DCT: variants seen among roughly 807,000 people sequenced by gnomAD.
DCT encodes the protein L-dopachrome tautomerase.
Under a neutral mutation model 53.0 loss-of-function variants are expected in DCT, and 47 were observed. The observed-to-expected ratio is 0.89, with a 90% confidence interval of 0.70 to 1.13. The LOEUF is 1.13. DCT is among the 50% of genes most tolerant of loss of function. The pLI, the probability that DCT is intolerant of heterozygous loss-of-function variation, is 0.00. For missense variants in DCT, 669 were observed against 637.4 expected, an observed-to-expected ratio of 1.05 and a Z score of -0.53; for synonymous variants, 244 against 237.0, an observed-to-expected ratio of 1.03 and a Z score of -0.27.
At chr13:94,544,944 A>C in the DCT span, among the ~76,000 whole-genome samples, 10 of 152,250 alleles carry the variant, frequency 6.6e-5, no homozygotes, top group South Asian at 2.1e-4. Context: ...GGTCTCAAAA[A>C]AACAACAACA....
intron 2 of DCT, chr13:94,468,042 T>G (rs1467946077): frequency 2.0e-5 from 3 of 152,274 alleles, no homozygotes; most frequent in African/African-American, 7.2e-5. Flanking sequence ...CAGCCCCCAA[T>G]TTTTAAGACT....
In DCT at chr13:94,460,007, C is replaced by T. The variant is rs1883672848; in HGVS notation, c.1179+84G>A. The T allele has an allele frequency of 1.2e-5, 16 of 1,359,646 alleles. No individual in the cohort carries two copies. The South Asian group carries it at 1.5e-4, about 12-fold the overall frequency. 84.2% of individuals were successfully genotyped at this position (1,359,646 alleles called of 1,614,324 possible). ...CACATTGTTCACACAGAGAATAAAACACCATCAAACATTAATTGTATGAAA... is the reference window on the plus strand; with the variant it reads ...CACATTGTTCACACAGAGAATAAAATACCATCAAACATTAATTGTATGAAA... On this transcript the variant is annotated intron_variant, in intron 6 of 7. Transcript: ENST00000377028.
chr13:94,499,681 G>C, the DCT span, among the ~76,000 whole-genome samples: 1 of 152,098 alleles, frequency 6.6e-6, no homozygotes. Context: ...TTTTACACTG[G>C]AATCAATAAG....
chr13:94,524,647 C>A, the DCT span, among the ~76,000 whole-genome samples: 3 of 152,134 alleles, frequency 2.0e-5, no homozygotes, highest in African/African-American at 7.2e-5. Context: ...TTGCTGTCTT[C>A]CCCCAGAATT....
At chr13:94,453,051 C>A (rs1883196891) in intron 6 of DCT, among the ~76,000 whole-genome samples, 1 of 151,968 alleles carries the variant, frequency 6.6e-6, no homozygotes, top group Non-Finnish European at 1.5e-5. Context: ...AACTATGCAA[C>A]AACCTAAAAA....
chr13:94,444,563 G>C (rs1329231743), intron 6 of DCT: 1 of 325,928 alleles, frequency 3.1e-6, no homozygotes, highest in Non-Finnish European at 6.1e-6. Context: ...TGATAGCCCT[G>C]ATTTTGTAAC....
chr13:94,468,980 T>A lies in DCT; in HGVS notation c.361A>T (p.Lys121Ter). 6.2e-7 allele frequency: 1 copy of A among 1,614,156 alleles called. No homozygotes were observed. The highest frequency in any genetic ancestry group is 8.5e-7 in the Non-Finnish European group (1 of 1,180,024). ...TTCTGCCGAATCACTGGTGGTTTCT[T>A]CCGCTCGCAGTTGGGACCGGTCCAG... ...FGWTGPNCER[K>*]KPPVIRQNIH... Residue 121 changes from lysine to a stop codon, truncating the protein, a stop_gained, in exon 2 of 8, where the codon AAG becomes TAG. Transcript: ENST00000377028. LOFTEE classifies it high-confidence loss of function.
At chr13:94,521,698 A>C in the DCT span, among the ~76,000 whole-genome samples, 5 of 152,154 alleles carry the variant, frequency 3.3e-5, no homozygotes, top group African/African-American at 1.2e-4. Context: ...AACAAACAAA[A>C]AAAAACCTTT....
At chr13:94,472,783 T>C (rs1884832965) in intron 1 of DCT, among the ~76,000 whole-genome samples, 1 of 151,382 alleles carries the variant, frequency 6.6e-6, no homozygotes, top group Admixed American at 6.6e-5. Flanking sequence ...GGTTTCACCA[T>C]GTTGGGCAGG....
intron 6 of DCT, among the ~76,000 whole-genome samples, chr13:94,458,908 A>T (rs1883592360): frequency 6.6e-6 from 1 of 151,982 alleles, no homozygotes; most frequent in Non-Finnish European, 1.5e-5. Context: ...ACAGGGTCTC[A>T]CCCTGTTGCA....
intron 2 of DCT, chr13:94,468,347 G>A (rs1461154252): frequency 5.1e-6 from 1 of 196,044 alleles, no homozygotes; most frequent in Non-Finnish European, 1.1e-5. Flanking sequence ...ATGTGCCTTA[G>A]CACATGTTCA....
intron 1 of DCT, among the ~76,000 whole-genome samples, chr13:94,476,899 C>T (rs9301960): frequency 6.6e-6 from 1 of 151,918 alleles, no homozygotes; most frequent in African/African-American, 2.4e-5. Flanking sequence ...TCGTCTAAAA[C>T]ACCATGATAA....
At chr13:94,452,510 T>C (rs1883161755) in intron 6 of DCT, 4 of 665,200 alleles carry the variant, frequency 6.0e-6, no homozygotes, top group East Asian at 2.9e-5. Context: ...TAGGAGGGAA[T>C]ATTGTCCAAA....
At chr13:94,455,468 C>T (rs1332856460) in intron 6 of DCT, among the ~76,000 whole-genome samples, 2 of 151,082 alleles carry the variant, frequency 1.3e-5, no homozygotes, top group East Asian at 1.9e-4. Flanking sequence ...TCCTTTACAC[C>T]ACAGGTTGAT....
At chr13:94,514,131 G>T in the DCT span, among the ~76,000 whole-genome samples, 14 of 152,086 alleles carry the variant, frequency 9.2e-5, no homozygotes, top group Non-Finnish European at 1.8e-4. Flanking sequence ...GAGATGGAAA[G>T]CAAAAGCCAT....
intron 3 of DCT, 109 bp from the exon 4 acceptor site, chr13:94,465,908 A>G (rs1313780013): frequency 1.6e-6 from 1 of 607,446 alleles, no homozygotes; most frequent in Non-Finnish European, 2.5e-6. Context: ...TACCAAGACA[A>G]AGACTACTGG....
chr13:94,526,648 G>A, the DCT span, among the ~76,000 whole-genome samples: 1,258 of 152,222 alleles, frequency 8.3e-3, 15 homozygotes, highest in African/African-American at 0.029. Context: ...ATAAATAGGG[G>A]TGATTCCAAG....
the DCT span, among the ~76,000 whole-genome samples, chr13:94,499,448 G>A: frequency 2.3e-5 from 3 of 128,340 alleles, no homozygotes; most frequent in South Asian, 8.4e-4. Context: ...AGGACCAAAG[G>A]AGTGTGCATG....
At chr13:94,488,723 T>TATACACACAC in the DCT span, among the ~76,000 whole-genome samples, 1 of 139,132 alleles carries the variant, frequency 7.2e-6, no homozygotes, top group Admixed American at 7.5e-5. Context: ...GTCTAATATA[T>TATACACACAC]ACACACACAC....
Sources: allele counts gnomAD v4.1 joint callset (sites outside exome capture counted in the v4.1 genomes callset), GRCh38; gene constraint gnomAD v4.1.1; transcripts MANE v1.5; gene names NCBI Gene and HGNC (gene_info 2026-07-23, HGNC 2026-07-21).